Variants in ASTN1 observed in about 807,000 individuals in gnomAD.
The protein encoded by ASTN1 is astrotactin-1.
In ASTN1, 41 loss-of-function variants were observed where a neutral mutation model predicts 140.7. The ratio of observed to expected loss-of-function variants is 0.29; its 90% confidence interval spans 0.23 to 0.38. The LOEUF is 0.38. ASTN1 is among the 10% of genes least tolerant of loss of function. The pLI is 1.00. For synonymous variants in ASTN1, 640 were observed against 652.2 expected, an observed-to-expected ratio of 0.98 and a Z score of 0.29; for missense variants, 1,479 against 1,678.8, an observed-to-expected ratio of 0.88 and a Z score of 2.08.
intron 17 of ASTN1, among the ~76,000 whole-genome samples, chr1:176,892,192 T>A (rs34875026): frequency 0.054 from 8,200 of 152,216 alleles, 284 homozygotes; most frequent in African/African-American, 0.097. Context: ...CTGAGGACAT[T>A]AGATTGTATT....
intron 11 of ASTN1, among the ~76,000 whole-genome samples, chr1:176,951,345 G>A (rs1424924502): frequency 6.6e-6 from 1 of 152,240 alleles, no homozygotes; most frequent in Non-Finnish European, 1.5e-5. Context: ...CTTCAGCACT[G>A]TGCGGCTGCC....
chr1:176,876,691 A>T (rs1668579786), intron 20 of ASTN1, 54 bp from the exon 21 acceptor site: 1 of 1,561,738 alleles, frequency 6.4e-7, no homozygotes, highest in Non-Finnish European at 8.8e-7. Flanking sequence ...TGGAGGCTAG[A>T]TCTCTGTGGC....
intron 17 of ASTN1, among the ~76,000 whole-genome samples, chr1:176,892,481 C>T (rs984482570): frequency 5.9e-5 from 9 of 152,122 alleles, no homozygotes; most frequent in Non-Finnish European, 1.3e-4. Flanking sequence ...GTTCAGGCAA[C>T]TTAGTGGAAT....
At chr1:177,081,631 A>G (rs1173650603) in intron 1 of ASTN1, among the ~76,000 whole-genome samples, 1 of 152,156 alleles carries the variant, frequency 6.6e-6, no homozygotes, top group African/African-American at 2.4e-5. Context: ...TGGCTAAGTT[A>G]CAGAGTCATG....
chr1:176,870,725 T>C (rs1261317416), intron 21 of ASTN1, among the ~76,000 whole-genome samples: 1 of 152,244 alleles, frequency 6.6e-6, no homozygotes, highest in African/African-American at 2.4e-5. Context: ...AACTTTAGTA[T>C]AGAAGTCCAC....
chr1:177,057,250 C>T (rs1677852493), intron 2 of ASTN1, among the ~76,000 whole-genome samples: 1 of 152,102 alleles, frequency 6.6e-6, no homozygotes, highest in Admixed American at 6.5e-5. Flanking sequence ...GCCGAGCTCC[C>T]AGCTGGGGAA....
chr1:177,014,477 T>G (rs986298509), intron 8 of ASTN1, among the ~76,000 whole-genome samples: 13 of 152,190 alleles, frequency 8.5e-5, no homozygotes, highest in Non-Finnish European at 1.3e-4. Flanking sequence ...AACAAAATCA[T>G]CAGCTAAATT....
rs1421132773 is a variant in ASTN1 at position 176,862,080 on chromosome 1, C to T, written c.*2204G>A. The T allele has an allele frequency of 2.0e-6, 2 of 985,288 alleles. No homozygotes were observed. Among genetic ancestry groups the T allele is most frequent in the Admixed American group, 1.2e-4 (2 of 16,272 alleles). 61.0% of individuals were successfully genotyped at this position (985,288 alleles called of 1,614,324 possible). A position where few individuals can be genotyped will look rare whatever the true frequency, so the allele number is the denominator to read the frequency against. On this transcript the variant is annotated 3_prime_UTR_variant, in exon 23 of 23. Transcript: ENST00000361833. ...GCAAAACAGTAGCAGCAAAGAGATGCTCTGGGCCCTGTCTGATTGGCCTGT... is the reference window on the plus strand; with the variant it reads ...GCAAAACAGTAGCAGCAAAGAGATGTTCTGGGCCCTGTCTGATTGGCCTGT...
chr1:176,970,482 G>A (rs1414685387), intron 8 of ASTN1, among the ~76,000 whole-genome samples: 2 of 152,146 alleles, frequency 1.3e-5, no homozygotes, highest in Non-Finnish European at 2.9e-5. Flanking sequence ...CTCAGAAGCT[G>A]TTGGCCAGCA....
intron 8 of ASTN1, among the ~76,000 whole-genome samples, chr1:177,005,300 G>A (rs1289287771): frequency 6.6e-6 from 1 of 152,136 alleles, no homozygotes; most frequent in African/African-American, 2.4e-5. Context: ...AACAAGAATG[G>A]CCATTATTAA....
At chr1:176,895,535 T>G (rs1169999565) in intron 16 of ASTN1, among the ~76,000 whole-genome samples, 1 of 152,244 alleles carries the variant, frequency 6.6e-6, no homozygotes, top group African/African-American at 2.4e-5. Flanking sequence ...AATAGAACTC[T>G]GCTTCATTAT....
chr1:176,957,331 C>T (rs2103128941), intron 11 of ASTN1, among the ~76,000 whole-genome samples: 1 of 152,160 alleles, frequency 6.6e-6, no homozygotes, highest in South Asian at 2.1e-4. Context: ...CCATTCCTGG[C>T]ATAACTTACT....
chr1:177,074,484 C>G (rs1678794492), intron 1 of ASTN1, among the ~76,000 whole-genome samples: 1 of 152,196 alleles, frequency 6.6e-6, no homozygotes, highest in Non-Finnish European at 1.5e-5. Context: ...ACAGGACACT[C>G]ATTCAGGCTT....
At chr1:176,868,276 C>G (rs1168120199) in intron 22 of ASTN1, among the ~76,000 whole-genome samples, 3 of 152,200 alleles carry the variant, frequency 2.0e-5, no homozygotes, top group African/African-American at 7.2e-5. Flanking sequence ...GTCTGTGCAA[C>G]CTAAAAGCAG....
chr1:177,115,827 A>C (rs904162381), intron 1 of ASTN1, among the ~76,000 whole-genome samples: 6 of 152,222 alleles, frequency 3.9e-5, no homozygotes, highest in African/African-American at 1.4e-4. Flanking sequence ...GGGGAATAAT[A>C]TTCCTTCAGG....
intron 2 of ASTN1, among the ~76,000 whole-genome samples, chr1:177,038,882 T>C (rs1177481963): frequency 6.6e-6 from 1 of 152,210 alleles, no homozygotes. Context: ...GGCCCATCAT[T>C]ACTTCTCTTC....
intron 2 of ASTN1, among the ~76,000 whole-genome samples, chr1:177,037,229 G>A (rs897932636): frequency 6.6e-6 from 1 of 152,172 alleles, no homozygotes; most frequent in Non-Finnish European, 1.5e-5. Context: ...GAAATGAAAA[G>A]GGGGCAGATG....
At chr1:176,997,094 C>T (rs1385000186) in intron 8 of ASTN1, among the ~76,000 whole-genome samples, 1 of 152,180 alleles carries the variant, frequency 6.6e-6, no homozygotes, top group Non-Finnish European at 1.5e-5. Context: ...GGTTACAATG[C>T]ATGATGCTGA....
intron 11 of ASTN1, among the ~76,000 whole-genome samples, chr1:176,956,287 T>C (rs1376322646): frequency 6.6e-6 from 1 of 152,106 alleles, no homozygotes; most frequent in Non-Finnish European, 1.5e-5. Flanking sequence ...TTTCTCTTCC[T>C]TCTCAGATGA....
Sources: gnomAD v4.1 joint callset for allele counts (sites outside exome capture counted in the v4.1 genomes callset) on GRCh38, gnomAD v4.1.1 for gene constraint, MANE v1.5 for transcripts, NCBI Gene and HGNC (gene_info 2026-07-23, HGNC 2026-07-21) for gene names.